The following NDFIP2 variants were observed in gnomAD, a reference collection of about 807,000 sequenced individuals.
The protein encoded by NDFIP2 is NEDD4 family-interacting protein 2.
Under a neutral mutation model 36.0 loss-of-function variants are expected in NDFIP2, and 19 were observed. The observed-to-expected ratio is 0.53, with a 90% CI of 0.37 to 0.77. The LOEUF is 0.77. Ranked by LOEUF, NDFIP2 falls within the 30% of genes least tolerant of loss-of-function variation. NDFIP2 has a pLI of 0.00. For missense variants in NDFIP2, 446 were observed against 435.8 expected, an observed-to-expected ratio of 1.02 and a Z score of -0.21; for synonymous variants, 181 against 167.7, an observed-to-expected ratio of 1.08 and a Z score of -0.61.
rs144499098 is a variant in NDFIP2, at chr13:79,527,549, T to C, written c.488-5774T>C. Among the ~76,000 whole-genome samples, 739 of 152,336 alleles carry C rather than the reference T, an allele frequency of 4.9e-3. 5 individuals carry two copies. The highest frequency in any genetic ancestry group is 0.017 in the African/African-American group (706 of 41,578). ...ATGGTGCTGAAAAATTTCTGTCATC[T>C]AGTGACATGGTAGCTGTCGTAAGGT... On this transcript the variant is annotated intron_variant, in intron 2 of 7. Transcript: ENST00000218652.
chr13:79,542,641 C>G (rs926307740), intron 4 of NDFIP2, among the ~76,000 whole-genome samples: 1 of 151,752 alleles, frequency 6.6e-6, no homozygotes, highest in Non-Finnish European at 1.5e-5. Flanking sequence ...ATATACAAGT[C>G]AAAAAGTTAC....
At chr13:79,508,532 T>A (rs1305716780) in intron 1 of NDFIP2, among the ~76,000 whole-genome samples, 1 of 152,208 alleles carries the variant, frequency 6.6e-6, no homozygotes, top group Middle Eastern at 3.2e-3. Flanking sequence ...TAGGGTAACT[T>A]CCTGACGTTG....
intron 3 of NDFIP2, among the ~76,000 whole-genome samples, chr13:79,537,044 T>C (rs1320783617): frequency 7.4e-6 from 1 of 135,330 alleles, no homozygotes; most frequent in African/African-American, 2.5e-5. Context: ...TGAGATCTTG[T>C]CTTAATTTTT....
intron 2 of NDFIP2, 134 bp downstream of exon 2, chr13:79,521,109 G>T: frequency 1.4e-6 from 1 of 697,304 alleles, no homozygotes; most frequent in East Asian, 2.8e-5. Flanking sequence ...TATACATACT[G>T]TGTGCACATA....
chr13:79,539,722 A>T lies in NDFIP2; in HGVS notation c.662A>T (p.Asp221Val). Reference sequence around the variant, plus strand: ...TGTCCACCAAGAGATGACTTCAGTGATGCAGACCAGCTCAGAGTGGGGAAT... The same window carrying T: ...TGTCCACCAAGAGATGACTTCAGTGTTGCAGACCAGCTCAGAGTGGGGAAT... ...EECPPRDDFS[D>V]ADQLRVGNDG... The change falls in exon 4 of 8, where the codon GAT becomes GTT. Residue 221 changes from aspartate (D) to valine (V), a missense_variant. Physicochemically the swap from Asp to Val is radical, Grantham distance 152. Around this residue, in one of 2 missense-constraint regions of NDFIP2, gnomAD observed 369 missense variants for 304.8 expected, o/e 1.21. Transcript: ENST00000218652. The T allele has an allele frequency of 2.5e-6, 4 of 1,613,876 alleles. No individual in the cohort carries two copies. Among genetic ancestry groups the T allele is most frequent in the Non-Finnish European group, 3.4e-6 (4 of 1,179,838 alleles).
intron 2 of NDFIP2, among the ~76,000 whole-genome samples, 161 bp downstream of exon 2, chr13:79,521,136 T>C (rs1874565643): frequency 6.6e-6 from 1 of 152,132 alleles, no homozygotes; most frequent in Non-Finnish European, 1.5e-5. Flanking sequence ...TACAGATGTA[T>C]ACACACATAT....
chr13:79,514,010 G>C (rs2140758681), intron 1 of NDFIP2, among the ~76,000 whole-genome samples: 1 of 152,262 alleles, frequency 6.6e-6, no homozygotes, highest in East Asian at 1.9e-4. Flanking sequence ...GTATATTTAT[G>C]TTGCAGTTTT....
intron 6 of NDFIP2, among the ~76,000 whole-genome samples, chr13:79,549,166 C>A (rs375306527): frequency 1.5e-4 from 23 of 151,940 alleles, no homozygotes; most frequent in African/African-American, 5.5e-4. Context: ...ACTGTTGGAT[C>A]TTTAGGATCT....
intron 1 of NDFIP2, among the ~76,000 whole-genome samples, chr13:79,513,114 C>T (rs1874141461): frequency 6.6e-6 from 1 of 152,154 alleles, no homozygotes; most frequent in African/African-American, 2.4e-5. Flanking sequence ...AGGTATCCTG[C>T]CCAGGAGGAG....
chr13:79,497,573 C>T lies in NDFIP2; in HGVS notation c.321+16049C>T, dbSNP rs550922746. Among the ~76,000 whole-genome samples the T allele has an allele frequency of 4.7e-5, 7 of 150,144 alleles. No individual in the cohort carries two copies. The East Asian group carries it at 1.2e-3, about 25-fold the overall frequency. ...TTTAAATTCTTTTTGTATTTTTGTC[C>T]TAAGTTCATAGTTGCTCTCCGTTGG... On this transcript the variant is annotated intron_variant, in intron 1 of 7. Transcript: ENST00000218652.
Position 79,553,866 on chromosome 13 carries a change from G to T in NDFIP2, c.*1353G>T, listed in dbSNP as rs1485152911. 2.0e-5 allele frequency: 3 copies of T among 151,682 alleles called. No homozygotes were observed. The highest frequency in any genetic ancestry group is 1.9e-4 in the East Asian group (1 of 5,160). 9.4% of individuals were successfully genotyped at this position (151,682 alleles called of 1,614,324 possible). ...TTTGAATACCAACATTTAAAATGAT[G>T]GTATTTTATCTTTTAAACTTAAAAA... is the stretch of plus-strand genomic sequence containing the variant. On this transcript the variant is annotated 3_prime_UTR_variant, in exon 8 of 8. Transcript: ENST00000218652.
chr13:79,506,409 T>A (rs2140750165), intron 1 of NDFIP2, among the ~76,000 whole-genome samples: 1 of 152,278 alleles, frequency 6.6e-6, no homozygotes, highest in East Asian at 1.9e-4. Context: ...CCATTTTAAA[T>A]GGCTATATAA....
chr13:79,484,765 G>T (rs1478498152), intron 1 of NDFIP2, among the ~76,000 whole-genome samples: 2 of 152,034 alleles, frequency 1.3e-5, no homozygotes, highest in Non-Finnish European at 2.9e-5. Flanking sequence ...ACTATTAACG[G>T]GTAAAAAACC....
At chr13:79,534,105 AC>A (rs1477979128) in intron 3 of NDFIP2, among the ~76,000 whole-genome samples, 2 of 152,144 alleles carry the variant, frequency 1.3e-5, no homozygotes, top group Non-Finnish European at 2.9e-5. Flanking sequence ...CACTCTGGTT[AC>A]CACCACTTGG....
chr13:79,489,866 T>TA (rs1873157952), intron 1 of NDFIP2, among the ~76,000 whole-genome samples: 1 of 152,238 alleles, frequency 6.6e-6, no homozygotes, highest in Non-Finnish European at 1.5e-5. Flanking sequence ...CTCTAGTTTA[T>TA]AATTGTTTCA....
intron 1 of NDFIP2, among the ~76,000 whole-genome samples, chr13:79,505,011 T>C (rs1249607521): frequency 6.6e-6 from 1 of 152,226 alleles, no homozygotes; most frequent in African/African-American, 2.4e-5. Context: ...CCTTGTAACA[T>C]GTTCTTGGCA....
chr13:79,526,383 G>T (rs1361655400), intron 2 of NDFIP2, among the ~76,000 whole-genome samples: 1 of 152,176 alleles, frequency 6.6e-6, no homozygotes, highest in Non-Finnish European at 1.5e-5. Context: ...AGAGGTTTGG[G>T]CTAGAAATAA....
Position 79,538,067 on chromosome 13 carries a change from C to T in NDFIP2, c.622-1615C>T, listed in dbSNP as rs552412070. On this transcript the variant is annotated intron_variant, in intron 3 of 7. Transcript: ENST00000218652. The stretch of plus-strand genomic sequence containing the variant: ...GAGAGAGAGTGAAGGGGTGATGCCA[C>T]ACACTTTTAAACAACCAGATCTCAG... 2.0e-5 allele frequency among the ~76,000 whole-genome samples: 3 copies of T among 152,222 alleles called. No homozygotes were observed. In the East Asian group the frequency reaches 5.8e-4, roughly 29 times the overall value.
At chr13:79,519,755 T>A (rs1874492068) in intron 1 of NDFIP2, among the ~76,000 whole-genome samples, 1 of 152,236 alleles carries the variant, frequency 6.6e-6, no homozygotes, top group African/African-American at 2.4e-5. Context: ...GAATTTTATA[T>A]ACACATCAAC....
Sources: allele counts gnomAD v4.1 joint callset (sites outside exome capture counted in the v4.1 genomes callset), GRCh38; gene constraint gnomAD v4.1.1; regional missense constraint gnomAD v4.1.1; transcripts MANE v1.5; gene names NCBI Gene and HGNC (gene_info 2026-07-23, HGNC 2026-07-21).